The following MSTO1 variants were observed in gnomAD, a reference collection of about 807,000 sequenced individuals.
MSTO1 encodes protein misato homolog 1.
In MSTO1, 24 loss-of-function variants were observed where a neutral mutation model predicts 55.7. The observed-to-expected ratio is 0.43, with a 90% confidence interval of 0.31 to 0.61. MSTO1 has a LOEUF of 0.61. Ranked by LOEUF, MSTO1 falls within the 20% of genes least tolerant of loss-of-function variation. The pLI, the probability that MSTO1 is intolerant of heterozygous loss-of-function variation, is 0.09. For missense variants in MSTO1, 363 were observed against 625.7 expected (o/e 0.58, Z 4.48); for synonymous variants, 162 against 252.8 (o/e 0.64, Z 3.41).
the MSTO1 span, among the ~76,000 whole-genome samples, chr1:155,584,691 A>AAAAAAAAAAAAAAG: frequency 3.6e-3 from 269 of 75,600 alleles, 6 homozygotes; most frequent in Non-Finnish European, 4.7e-3. Context: ...AAAAAAAAAA[A>AAAAAAAAAAAAAAG]AAAGAAAGAA....
chr1:155,563,966 T>C, the MSTO1 span: 16 of 179,080 alleles, frequency 8.9e-5, no homozygotes, highest in South Asian at 1.4e-3. Context: ...TTTCTGTGGC[T>C]ACTGAATATT....
chr1:155,610,130 T>C (rs1673495046), upstream of MSTO1: 4 of 915,452 alleles, frequency 4.4e-6, no homozygotes, highest in Admixed American at 5.0e-5. Context: ...TGGGAAAGGA[T>C]GTGTTTGCGG....
chr1:155,600,998 T>A, the MSTO1 span, among the ~76,000 whole-genome samples: 1 of 144,650 alleles, frequency 6.9e-6, no homozygotes, highest in African/African-American at 2.7e-5. Context: ...TTTTTTTTTT[T>A]AAATAGAGAT....
the MSTO1 span, among the ~76,000 whole-genome samples, chr1:155,584,538 A>G: frequency 2.0e-5 from 3 of 151,044 alleles, no homozygotes; most frequent in Non-Finnish European, 4.4e-5. Context: ...TAACCAGGCA[A>G]TGGGCATGTA....
chr1:155,583,492 C>A, the MSTO1 span, among the ~76,000 whole-genome samples: 1 of 151,858 alleles, frequency 6.6e-6, no homozygotes, highest in African/African-American at 2.4e-5. Context: ...GAGCTATGAT[C>A]GCCACTGCAC....
chr1:155,580,983 G>A, the MSTO1 span, among the ~76,000 whole-genome samples: 264 of 151,568 alleles, frequency 1.7e-3, 1 homozygote, highest in African/African-American at 6.1e-3. Flanking sequence ...TCAGAGTAGC[G>A]GCAGAGTTTT....
At chr1:155,566,524 T>C in the MSTO1 span, among the ~76,000 whole-genome samples, 3 of 151,966 alleles carry the variant, frequency 2.0e-5, no homozygotes, top group Non-Finnish European at 4.4e-5. Context: ...AGTTTGAGGC[T>C]ACCGTGAGCC....
chr1:155,614,941 G>C lies in MSTO1; in HGVS notation c.*668G>C. Reference sequence around the variant, plus strand: ...TAACATTTATGAAGCACTATATATTGATTTGCAAAATCTTTTGTTTATTCC... The same window carrying C: ...TAACATTTATGAAGCACTATATATTCATTTGCAAAATCTTTTGTTTATTCC... On this transcript the variant is annotated 3_prime_UTR_variant, in exon 14 of 14. Transcript: ENST00000245564. 4 of 1,114,778 alleles carry C rather than the reference G, an allele frequency of 3.6e-6. No individual in the cohort carries two copies. Among genetic ancestry groups the C allele is most frequent in the Non-Finnish European group, 5.3e-6 (4 of 749,110 alleles). The allele number at this position is 1,114,778 out of a possible 1,614,324, so 69.1% of individuals were successfully genotyped here. A position where few individuals can be genotyped will look rare whatever the true frequency, so the allele number is the denominator to read the frequency against.
chr1:155,605,478 T>C (rs773709413), upstream of MSTO1, among the ~76,000 whole-genome samples: 1 of 152,122 alleles, frequency 6.6e-6, no homozygotes, highest in Non-Finnish European at 1.5e-5. Flanking sequence ...ACTCCTATAC[T>C]AATACAGAAC....
At position 155,613,075 on chromosome 1, in the gene MSTO1, T is replaced by C. The variant is rs1406556602; in HGVS notation, c.1125T>C (p.Pro375=). 3.1e-6 allele frequency: 5 copies of C among 1,613,698 alleles called. No homozygotes were observed. Among genetic ancestry groups the C allele is most frequent in the Non-Finnish European group, 4.2e-6 (5 of 1,180,020 alleles). The change falls in exon 11 of 14, where the codon CCT becomes CCC. Residue 375 remains proline, a synonymous_variant. Transcript: ENST00000245564. ...KKVVTAGAII[P]FPLAPGQSLP... The stretch of plus-strand genomic sequence containing the variant: ...TGGTGACAGCAGGAGCAATCATCCC[T>C]TTCCCCTTGGCTCCAGGCCAGTCCC...
the MSTO1 span, among the ~76,000 whole-genome samples, chr1:155,576,473 C>G: frequency 2.6e-5 from 4 of 151,536 alleles, no homozygotes; most frequent in Non-Finnish European, 5.9e-5. Context: ...ACTACAGGTG[C>G]GCACCACCAC....
chr1:155,612,901 G>A lies in MSTO1; in HGVS notation c.1024G>A (p.Val342Ile), dbSNP rs764746264. The part of the protein sequence containing the change: ...ILATALDTVT[V>I]PYRLCSSPVS... ...GGCTACAGCCCTGGACACAGTCACT[G>A]TTCCTTATCGCCTGTGTTCCTCTCC... The change falls in exon 10 of 14, where the codon GTT becomes ATT. Residue 342 changes from valine (V) to isoleucine (I), a missense_variant. By Grantham distance (29) the Val-to-Ile change is conservative. Coordinates refer to ENST00000245564, the MANE Select transcript of MSTO1 (RefSeq NM_018116.4). 1 of 1,613,752 alleles carries A rather than the reference G, an allele frequency of 6.2e-7. No homozygotes were observed. The highest frequency in any genetic ancestry group is 1.3e-5 in the African/African-American group (1 of 74,924).
chr1:155,588,207 CAA>C, the MSTO1 span, among the ~76,000 whole-genome samples: 259 of 95,796 alleles, frequency 2.7e-3, no homozygotes, highest in Middle Eastern at 4.9e-3. Flanking sequence ...GACTGTGTCT[CAA>C]AAAAAAAAAA....
chr1:155,612,758 CT>C, intron 9 of MSTO1, 85 bp from the exon 10 acceptor site: 1 of 1,551,906 alleles, frequency 6.4e-7, no homozygotes, highest in South Asian at 1.2e-5. Flanking sequence ...GATTCGTCCC[CT>C]GGGTCTCTCT....
the MSTO1 span, among the ~76,000 whole-genome samples, chr1:155,573,905 A>G: frequency 6.6e-6 from 1 of 152,134 alleles, no homozygotes; most frequent in Non-Finnish European, 1.5e-5. Context: ...ATCCTGTTAA[A>G]TAGTTGTATC....
chr1:155,568,932 A>G, the MSTO1 span, among the ~76,000 whole-genome samples: 1 of 150,454 alleles, frequency 6.6e-6, no homozygotes, highest in Non-Finnish European at 1.5e-5. Flanking sequence ...GCTCACTGCA[A>G]CCTGCATCTC....
chr1:155,608,185 A>G (rs1159245716), upstream of MSTO1, among the ~76,000 whole-genome samples: 5 of 152,142 alleles, frequency 3.3e-5, no homozygotes, highest in Non-Finnish European at 7.4e-5. Context: ...TAAAATTTTG[A>G]GACAGGGTCT....
At chr1:155,581,364 T>C in the MSTO1 span, among the ~76,000 whole-genome samples, 6 of 152,284 alleles carry the variant, frequency 3.9e-5, no homozygotes, top group Admixed American at 3.9e-4. Flanking sequence ...ATGATGGCAG[T>C]TGAAAAATAT....
chr1:155,606,197 CCTTTTTTTTTTTTT>C (rs1435148525), upstream of MSTO1, among the ~76,000 whole-genome samples: 50 of 53,278 alleles, frequency 9.4e-4, no homozygotes, highest in African/African-American at 3.3e-3. Flanking sequence ...CCATGCCCAG[CCTTTTTTTTTTTTT>C]TTTTTTTTTT....
Sources: gnomAD v4.1 joint callset for allele counts (sites outside exome capture counted in the v4.1 genomes callset) on GRCh38, gnomAD v4.1.1 for gene constraint, MANE v1.5 for transcripts, NCBI Gene and HGNC (gene_info 2026-07-23, HGNC 2026-07-21) for gene names.